The following ASAP1 variants were observed in gnomAD, a reference collection of about 807,000 sequenced individuals.
ASAP1 encodes arf-GAP with SH3 domain, ANK repeat and PH domain-containing protein 1.
Under a neutral mutation model 145.2 loss-of-function variants are expected in ASAP1, and 43 were observed. The ratio of observed to expected loss-of-function variants is 0.30; its 90% CI spans 0.23 to 0.38. ASAP1 has a LOEUF of 0.38. Among genes scored for constraint, ASAP1 ranks in the 10% least tolerant of loss-of-function variants. ASAP1 has a pLI of 1.00. For synonymous variants in ASAP1, 546 were observed against 515.5 expected, an observed-to-expected ratio of 1.06 and a Z score of -0.80; for missense variants, 1,018 against 1,355.3, an observed-to-expected ratio of 0.75 and a Z score of 3.91.
intron 3 of ASAP1, among the ~76,000 whole-genome samples, chr8:130,248,860 C>T (rs1387919778): frequency 6.6e-6 from 1 of 152,160 alleles, no homozygotes; most frequent in African/African-American, 2.4e-5. Flanking sequence ...AGTCACATTC[C>T]TCTTGTTTAA....
At chr8:130,274,023 C>A (rs1413161337) in intron 3 of ASAP1, among the ~76,000 whole-genome samples, 1 of 152,176 alleles carries the variant, frequency 6.6e-6, no homozygotes, top group African/African-American at 2.4e-5. Flanking sequence ...TACTAACTGG[C>A]TTTGAGATCT....
chr8:130,150,123 T>C (rs993341051), intron 13 of ASAP1, among the ~76,000 whole-genome samples: 1 of 152,252 alleles, frequency 6.6e-6, no homozygotes, highest in Admixed American at 6.5e-5. Context: ...ATAATCTTTA[T>C]GTGTTAAATA....
chr8:130,248,214 C>T (rs186590003), intron 3 of ASAP1, among the ~76,000 whole-genome samples: 24 of 150,936 alleles, frequency 1.6e-4, no homozygotes, highest in African/African-American at 4.6e-4. Flanking sequence ...AGGAATGTGG[C>T]GGGTGCCGGG....
In ASAP1 at chr8:130,075,389, A is replaced by G. The variant is rs374098865; in HGVS notation, c.2701+959T>C. On this transcript the variant is annotated intron_variant, in intron 27 of 29. Coordinates refer to ENST00000518721, the MANE Select transcript of ASAP1 (RefSeq NM_018482.4). The stretch of plus-strand genomic sequence containing the variant: ...TTCAAAGTGTGTTACTTCACTGAAG[A>G]ACTCTAGAGAGTGGTGAATTTCAGC... 2.6e-5 allele frequency among the ~76,000 whole-genome samples: 4 copies of G among 152,310 alleles called. 1 individual carries two copies. The South Asian group carries it at 8.3e-4, about 32-fold the overall frequency.
At chr8:130,092,490 G>C (rs1051098834) in intron 24 of ASAP1, among the ~76,000 whole-genome samples, 1 of 152,088 alleles carries the variant, frequency 6.6e-6, no homozygotes, top group Non-Finnish European at 1.5e-5. Context: ...AGCCAGGTGT[G>C]GTGGTGTGTG....
intron 1 of ASAP1, among the ~76,000 whole-genome samples, chr8:130,440,649 A>C (rs1830459981): frequency 6.6e-6 from 1 of 151,454 alleles, no homozygotes; most frequent in Non-Finnish European, 1.5e-5. Flanking sequence ...CTCAAACCTC[A>C]CCTTGCGCCA....
intron 5 of ASAP1, among the ~76,000 whole-genome samples, chr8:130,210,690 G>A (rs1816526521): frequency 1.3e-5 from 2 of 152,154 alleles, no homozygotes; most frequent in Non-Finnish European, 2.9e-5. Context: ...AATTCGTGGG[G>A]CAGCATCACT....
intron 5 of ASAP1, among the ~76,000 whole-genome samples, chr8:130,189,022 CTTTTAA>C (rs1346871135): frequency 1.3e-5 from 2 of 151,570 alleles, no homozygotes; most frequent in Non-Finnish European, 2.9e-5. Flanking sequence ...TCAGATTTAT[CTTTTAA>C]TTTTTAGTTT....
intron 3 of ASAP1, among the ~76,000 whole-genome samples, chr8:130,247,332 CT>C: frequency 6.6e-6 from 1 of 152,028 alleles, no homozygotes; most frequent in Non-Finnish European, 1.5e-5. Flanking sequence ...AACACAGTAA[CT>C]TATAAGAAGG....
intron 3 of ASAP1, among the ~76,000 whole-genome samples, chr8:130,312,216 G>A (rs1174749348): frequency 2.0e-5 from 3 of 151,524 alleles, no homozygotes; most frequent in Non-Finnish European, 2.9e-5. Context: ...GGTCGACGCT[G>A]TAGTGAGCTG....
At chr8:130,382,845 C>CA (rs1273267124) in intron 2 of ASAP1, among the ~76,000 whole-genome samples, 7 of 72,760 alleles carry the variant, frequency 9.6e-5, no homozygotes, top group African/African-American at 2.1e-4. Context: ...AGACTGTCTC[C>CA]AAAAAAAAAG....
chr8:130,151,514 C>T (rs11777354), intron 13 of ASAP1, among the ~76,000 whole-genome samples: 8,117 of 150,374 alleles, frequency 0.054, 285 homozygotes, highest in Middle Eastern at 0.08. Context: ...TAGCTGGACA[C>T]AACTGGCATG....
In ASAP1 at chr8:130,054,354, A is replaced by G. The variant is rs2097399016; in HGVS notation, c.*377T>C. The G allele has an allele frequency of 5.4e-6, 1 of 184,408 alleles. No homozygotes were observed. Among genetic ancestry groups the G allele is most frequent in the Admixed American group, 5.4e-5 (1 of 18,592 alleles). 11.4% of individuals were successfully genotyped at this position (184,408 alleles called of 1,614,324 possible). On this transcript the variant is annotated 3_prime_UTR_variant, in exon 30 of 30. Coordinates refer to ENST00000518721, the MANE Select transcript of ASAP1 (RefSeq NM_018482.4). ...CATTTTCAGTAACACAATTGAGAAT[A>G]CTGCATTGTTAGGAACAGAGTCAAT...
intron 10 of ASAP1, among the ~76,000 whole-genome samples, chr8:130,168,666 A>G (rs1391257785): frequency 6.6e-6 from 1 of 152,200 alleles, no homozygotes; most frequent in African/African-American, 2.4e-5. Context: ...GTCAATTTTT[A>G]TCCTTCCACA....
chr8:130,168,305 G>C (rs1026449886), intron 10 of ASAP1, among the ~76,000 whole-genome samples: 1 of 152,058 alleles, frequency 6.6e-6, no homozygotes, highest in African/African-American at 2.4e-5. Flanking sequence ...ACTAAAAAAA[G>C]AGAGATAATA....
chr8:130,116,230 G>A (rs964093776), intron 22 of ASAP1, among the ~76,000 whole-genome samples: 6 of 152,204 alleles, frequency 3.9e-5, no homozygotes, highest in African/African-American at 1.2e-4. Context: ...GACTTGCTAA[G>A]CAAGAACTAG....
At chr8:130,114,441 A>C (rs55993168) in intron 23 of ASAP1, among the ~76,000 whole-genome samples, 28,497 of 152,104 alleles carry the variant, frequency 0.19, 3,122 homozygotes, top group East Asian at 0.44. Context: ...TATGTAGGAC[A>C]CTTTCCATAA....
intron 3 of ASAP1, among the ~76,000 whole-genome samples, chr8:130,258,257 C>A (rs1181494798): frequency 6.6e-6 from 1 of 152,212 alleles, no homozygotes; most frequent in Admixed American, 6.5e-5. Context: ...CCATCCCCTG[C>A]AGTCTACCTC....
At chr8:130,173,600 T>C (rs981622287) in intron 9 of ASAP1, among the ~76,000 whole-genome samples, 5 of 151,600 alleles carry the variant, frequency 3.3e-5, no homozygotes, top group Admixed American at 6.6e-5. Flanking sequence ...GCCCTGTCTC[T>C]ACAAAAAAAA....
Sources: gnomAD v4.1 joint callset for allele counts (sites outside exome capture counted in the v4.1 genomes callset) on GRCh38, gnomAD v4.1.1 for gene constraint, MANE v1.5 for transcripts, NCBI Gene and HGNC (gene_info 2026-07-23, HGNC 2026-07-21) for gene names.